LOC400499: variants seen among roughly 807,000 people sequenced by gnomAD.
chr16:11,469,719 A>C, the LOC400499 span: 1 of 398,840 alleles, frequency 2.5e-6, no homozygotes, highest in Non-Finnish European at 4.4e-6. Context: ...TACCCTTCAG[A>C]CACTCACATT....
the LOC400499 span, among the ~76,000 whole-genome samples, chr16:11,445,754 C>T: frequency 6.6e-6 from 1 of 151,990 alleles, no homozygotes; most frequent in Non-Finnish European, 1.5e-5. Flanking sequence ...TTGTGCTGGC[C>T]TTCAGAATAT....
chr16:11,498,864 C>T, the LOC400499 span, among the ~76,000 whole-genome samples: 1 of 151,136 alleles, frequency 6.6e-6, no homozygotes, highest in Non-Finnish European at 1.5e-5. Context: ...ACCTGGTCTG[C>T]AAGGTCATTC....
the LOC400499 span, among the ~76,000 whole-genome samples, chr16:11,403,629 C>A: frequency 6.6e-6 from 1 of 152,210 alleles, no homozygotes; most frequent in African/African-American, 2.4e-5. Flanking sequence ...TGCCTCCAGG[C>A]TGGGGTCTGC....
chr16:11,440,769 A>G, the LOC400499 span: 1 of 399,046 alleles, frequency 2.5e-6, no homozygotes. Flanking sequence ...CATCCATGCC[A>G]AAGTTGAATG....
At chr16:11,391,692 AG>A in the LOC400499 span, 23 of 1,232,032 alleles carry the variant, frequency 1.9e-5, no homozygotes, top group Middle Eastern at 3.1e-4. Flanking sequence ...CAGCTGCTCC[AG>A]CCCCACCTGC....
the LOC400499 span, among the ~76,000 whole-genome samples, chr16:11,394,734 C>A: frequency 6.6e-6 from 1 of 152,038 alleles, no homozygotes; most frequent in Non-Finnish European, 1.5e-5. Context: ...AAGGCCACCA[C>A]GTGGGACAGA....
the LOC400499 span, among the ~76,000 whole-genome samples, chr16:11,516,892 C>T: frequency 1.3e-4 from 20 of 152,348 alleles, no homozygotes; most frequent in Middle Eastern, 0.01. Flanking sequence ...AGCAATCCTC[C>T]AGCCTCAGCC....
the LOC400499 span, chr16:11,460,552 ACT>A: frequency 2.0e-6 from 3 of 1,535,614 alleles, no homozygotes; most frequent in Non-Finnish European, 2.6e-6. Flanking sequence ...CGTCTGAGCC[ACT>A]GTCTGCCCGC....
the LOC400499 span, among the ~76,000 whole-genome samples, chr16:11,409,585 A>C: frequency 6.6e-6 from 1 of 152,240 alleles, no homozygotes; most frequent in Non-Finnish European, 1.5e-5. Context: ...GCAACTACGA[A>C]TGCTGCGTGA....
chr16:11,440,934 C>T, the LOC400499 span: 7 of 399,126 alleles, frequency 1.8e-5, no homozygotes, highest in South Asian at 8.9e-4. Context: ...TCTGGGGACC[C>T]ATACCTGGTA....
chr16:11,443,305 C>T, the LOC400499 span: 485 of 331,648 alleles, frequency 1.5e-3, 1 homozygote, highest in Non-Finnish European at 2.2e-3. Flanking sequence ...GCCTGGGCAA[C>T]AGAGCAAGAC....
the LOC400499 span, among the ~76,000 whole-genome samples, chr16:11,464,507 A>G: frequency 2.6e-5 from 4 of 152,244 alleles, no homozygotes; most frequent in African/African-American, 7.2e-5. Context: ...ACCCCTGCAC[A>G]CTAGCAGGAG....
the LOC400499 span, among the ~76,000 whole-genome samples, chr16:11,394,610 T>C: frequency 6.6e-6 from 1 of 152,180 alleles, no homozygotes; most frequent in South Asian, 2.1e-4. Context: ...TATTCGGAAA[T>C]AGGTTTTTTG....
the LOC400499 span, chr16:11,514,478 G>A: frequency 2.5e-6 from 1 of 399,494 alleles, no homozygotes; most frequent in Admixed American, 4.4e-5. Flanking sequence ...TGTGCAGGAG[G>A]CCTCCCTCAG....
At chr16:11,384,433 G>A in the LOC400499 span, 1 of 536,764 alleles carries the variant, frequency 1.9e-6, no homozygotes, top group South Asian at 9.9e-5. Flanking sequence ...GAAGCACACA[G>A]AGGAGCAGTA....
the LOC400499 span, among the ~76,000 whole-genome samples, chr16:11,388,580 T>C: frequency 3.9e-5 from 6 of 152,150 alleles, no homozygotes; most frequent in African/African-American, 1.2e-4. Flanking sequence ...CCCAGGTCTC[T>C]GCTCTAAACT....
chr16:11,492,034 C>T, the LOC400499 span, among the ~76,000 whole-genome samples: 3,497 of 152,178 alleles, frequency 0.023, 98 homozygotes, highest in East Asian at 0.14. Context: ...GTTCACTGAC[C>T]TTGCCTAATT....
At chr16:11,430,027 AAT>A in the LOC400499 span, among the ~76,000 whole-genome samples, 2 of 152,188 alleles carry the variant, frequency 1.3e-5, no homozygotes, top group Non-Finnish European at 2.9e-5. Flanking sequence ...GATCAAAGCT[AAT>A]GTCACCAACG....
At chr16:11,506,907 T>A in the LOC400499 span, among the ~76,000 whole-genome samples, 1 of 152,208 alleles carries the variant, frequency 6.6e-6, no homozygotes, top group South Asian at 2.1e-4. Flanking sequence ...TGTGCACCGA[T>A]GTGTCCCTGC....
Sources: gnomAD v4.1 joint callset for allele counts (sites outside exome capture counted in the v4.1 genomes callset) on GRCh38, gnomAD v4.1.1 for gene constraint, MANE v1.5 for transcripts.